WNT7A: variants seen among roughly 807,000 people sequenced by gnomAD.
The protein encoded by WNT7A is protein Wnt-7a.
WNT7A carries 16 observed loss-of-function variants against 28.2 expected under a neutral mutation model. That is an observed-to-expected ratio of 0.57 (90% CI 0.38 to 0.86). WNT7A has a LOEUF of 0.86. WNT7A is among the 40% of genes least tolerant of loss of function. The probability of loss-of-function intolerance (pLI) is 0.00; values close to 1 mark genes in which losing one functional copy is unlikely to be tolerated. For synonymous variants in WNT7A, 190 were observed against 195.9 expected (o/e 0.97, Z 0.25); for missense variants, 411 against 489.7 (o/e 0.84, Z 1.52).
At chr3:13,875,281 G>T in intron 1 of WNT7A, 108 bp from the exon 2 acceptor site, 1 of 1,143,546 alleles carries the variant, frequency 8.7e-7, no homozygotes. Context: ...CCCAGCAGTG[G>T]TCTCCCAACT....
rs1251658047 is a variant in WNT7A, at chr3:13,854,655, C to G, written c.447G>C (p.Trp149Cys). 1.9e-6 allele frequency: 3 copies of G among 1,614,160 alleles called. No individual in the cohort carries two copies. The highest frequency in any genetic ancestry group is 2.5e-6 in the Non-Finnish European group (3 of 1,180,032). The change falls in exon 3 of 4, where the codon TGG becomes TGC. Residue 149 changes from tryptophan (W) to cysteine (C), a missense_variant. Physicochemically the swap from Trp to Cys is radical, Grantham distance 215 (BLOSUM62 -2). Coordinates refer to ENST00000285018, the MANE Select transcript of WNT7A (RefSeq NM_004625.4). ...AGCGGATGTCGGCAGAGCAGCCACC[C>G]CACTTCCAGCCCTCGTCCCGGTGGT... is the stretch of plus-strand genomic sequence containing the variant. ...GQYHRDEGWKWGGCSADIRYG... is the reference protein window; with the variant it reads ...GQYHRDEGWKCGGCSADIRYG...
chr3:13,823,504 C>T (rs949278992), intron 3 of WNT7A, among the ~76,000 whole-genome samples: 6 of 152,194 alleles, frequency 3.9e-5, no homozygotes, highest in Non-Finnish European at 8.8e-5. Flanking sequence ...AGCCAGGCAT[C>T]AACCCTCCAT....
intron 2 of WNT7A, among the ~76,000 whole-genome samples, chr3:13,868,139 C>T (rs754543125): frequency 1.3e-5 from 2 of 151,944 alleles, no homozygotes; most frequent in African/African-American, 4.8e-5. Flanking sequence ...ATGAGGGAGG[C>T]TCACAAACGT....
At chr3:13,837,538 GTGAATGAA>G (rs59047870) in intron 3 of WNT7A, among the ~76,000 whole-genome samples, 24 of 149,890 alleles carry the variant, frequency 1.6e-4, no homozygotes, top group South Asian at 8.6e-4. Context: ...TTCTGGGTGA[GTGAATGAA>G]TGAATGAATG....
chr3:13,849,006 G>A (rs190201070), intron 3 of WNT7A, among the ~76,000 whole-genome samples: 51 of 152,366 alleles, frequency 3.3e-4, no homozygotes, highest in Non-Finnish European at 5.6e-4. Context: ...AGGTTATACT[G>A]TAAGACCCAC....
intron 3 of WNT7A, among the ~76,000 whole-genome samples, chr3:13,830,598 G>A (rs1694266469): frequency 6.6e-6 from 1 of 152,034 alleles, no homozygotes; most frequent in Non-Finnish European, 1.5e-5. Flanking sequence ...AGGGACTGGA[G>A]GGCAGGAGAA....
intron 3 of WNT7A, among the ~76,000 whole-genome samples, chr3:13,838,391 G>T (rs992805258): frequency 6.6e-6 from 1 of 152,228 alleles, no homozygotes; most frequent in Non-Finnish European, 1.5e-5. Context: ...GTGTGCGGAA[G>T]GAACTGAAGA....
chr3:13,879,164 C>T (rs1398796428), intron 1 of WNT7A, among the ~76,000 whole-genome samples: 1 of 152,210 alleles, frequency 6.6e-6, no homozygotes, highest in Non-Finnish European at 1.5e-5. Flanking sequence ...GTCTAAGGGC[C>T]CCTGGAAATT....
chr3:13,874,333 T>C (rs1695069878), intron 2 of WNT7A, among the ~76,000 whole-genome samples: 1 of 152,214 alleles, frequency 6.6e-6, no homozygotes, highest in African/African-American at 2.4e-5. Flanking sequence ...TTATAGTTGC[T>C]TCAGAAGTCA....
At chr3:13,875,301 C>T (rs2124879868) in intron 1 of WNT7A, 128 bp from the exon 2 acceptor site, 1 of 850,418 alleles carries the variant, frequency 1.2e-6, no homozygotes, top group African/African-American at 1.7e-5. Context: ...TTTTTTGATC[C>T]TGCACCCCTA....
intron 3 of WNT7A, among the ~76,000 whole-genome samples, chr3:13,841,844 A>G (rs954776739): frequency 2.6e-5 from 4 of 152,240 alleles, no homozygotes; most frequent in Non-Finnish European, 5.9e-5. Flanking sequence ...AACAGGAAGC[A>G]GCGAGACAGA....
Position 13,819,203 on chromosome 3 carries a change from A to G in WNT7A, c.791T>C (p.Met264Thr). 6.2e-7 allele frequency: 1 copy of G among 1,614,210 alleles called. No individual in the cohort carries two copies. Among genetic ancestry groups the G allele is most frequent in the South Asian group, 1.1e-5 (1 of 91,088 alleles). ...IKKPLSYRKP[M>T]DTDLVYIEKS... ...CTCGATGTACACCAGGTCCGTGTCC[A>G]TGGGCTTGCGGTACGACAGTGGCTT... The change falls in exon 4 of 4, where the codon ATG (methionine) becomes ACG (threonine). Residue 264 changes from methionine (M) to threonine (T), a missense_variant. Met to Thr is a moderately conservative substitution (Grantham distance 81). Transcript: ENST00000285018.
chr3:13,875,054 TCTC>T lies in WNT7A; in HGVS notation c.188_190del (p.Gly63del). ...CTCGTCCAGGCCCATTTGTGAGCCT[TCTC>T]CTATGACGATGATGGCGTCGGGCCG... is the stretch of plus-strand genomic sequence containing the variant. On this transcript the variant is annotated inframe_deletion, in exon 2 of 4. Transcript: ENST00000285018. The T allele has an allele frequency of 6.2e-7, 1 of 1,614,198 alleles. No homozygotes were observed. Among genetic ancestry groups the T allele is most frequent in the East Asian group, 2.2e-5 (1 of 44,884 alleles).
At chr3:13,833,718 G>A (rs555857720) in intron 3 of WNT7A, among the ~76,000 whole-genome samples, 1 of 152,330 alleles carries the variant, frequency 6.6e-6, no homozygotes, top group South Asian at 2.1e-4. Context: ...TGAGGCAATT[G>A]GGTAACCCCA....
At chr3:13,845,733 T>C (rs186644892) in intron 3 of WNT7A, among the ~76,000 whole-genome samples, 24 of 152,354 alleles carry the variant, frequency 1.6e-4, no homozygotes, top group Non-Finnish European at 3.4e-4. Context: ...CCAGCCCTAC[T>C]GCCTGTGGTG....
intron 3 of WNT7A, among the ~76,000 whole-genome samples, chr3:13,843,958 C>T (rs1694500985): frequency 6.6e-6 from 1 of 152,198 alleles, no homozygotes; most frequent in South Asian, 2.1e-4. Context: ...GTTGGCCAGG[C>T]TGGTCTCAAA....
At chr3:13,860,777 G>T (rs937209017) in intron 2 of WNT7A, among the ~76,000 whole-genome samples, 1 of 152,162 alleles carries the variant, frequency 6.6e-6, no homozygotes, top group Non-Finnish European at 1.5e-5. Context: ...CTTCATTCAG[G>T]TGGGTAATTT....
chr3:13,851,838 C>A (rs1433021424), intron 3 of WNT7A, among the ~76,000 whole-genome samples: 3 of 152,226 alleles, frequency 2.0e-5, no homozygotes, highest in Non-Finnish European at 4.4e-5. Flanking sequence ...ATTCTGGGAC[C>A]CCCGACCTGA....
In WNT7A at chr3:13,819,347, G is replaced by A; in HGVS notation, c.647C>T (p.Thr216Ile). The A allele has an allele frequency of 6.2e-7, 1 of 1,613,476 alleles. No individual in the cohort carries two copies. Among genetic ancestry groups the A allele is most frequent in the Non-Finnish European group, 8.5e-7 (1 of 1,179,674 alleles). ...SGSCTTKTCWTTLPQFRELGY... is the reference protein window; with the variant it reads ...SGSCTTKTCWITLPQFRELGY... The stretch of plus-strand genomic sequence containing the variant: ...CAGCTCCCGAAACTGTGGCAGTGTG[G>A]TCCAGCACGTCTTGGTGGTGCACGA... Residue 216 changes from threonine (T) to isoleucine (I), a missense_variant, in exon 4 of 4, where the codon ACC (threonine) becomes ATC (isoleucine). Coordinates refer to ENST00000285018, the MANE Select transcript of WNT7A (RefSeq NM_004625.4).
Sources: gnomAD v4.1 joint callset for allele counts (sites outside exome capture counted in the v4.1 genomes callset) on GRCh38, gnomAD v4.1.1 for gene constraint, MANE v1.5 for transcripts, NCBI Gene and HGNC (gene_info 2026-07-23, HGNC 2026-07-21) for gene names.